ARHGEF9: variants seen among roughly 807,000 people sequenced by gnomAD.
ARHGEF9 encodes the protein rho guanine nucleotide exchange factor 9.
ARHGEF9 carries 2 observed loss-of-function variants against 41.3 expected under a neutral mutation model. The ratio of observed to expected loss-of-function variants is 0.05; its 90% CI spans 0.02 to 0.15. The LOEUF is 0.15. Ranked by LOEUF, ARHGEF9 falls within the 10% of genes least tolerant of loss-of-function variation. ARHGEF9 has a pLI of 1.00. For missense variants in ARHGEF9, 225 were observed against 424.7 expected, an observed-to-expected ratio of 0.53 and a Z score of 4.13; for synonymous variants, 160 against 154.4, an observed-to-expected ratio of 1.04 and a Z score of -0.27.
At chrX:63,724,387 CTGT>C in intron 2 of ARHGEF9, 142 bp downstream of exon 2, 2 of 622,445 alleles carry the variant, frequency 3.2e-6, no homozygotes, top group South Asian at 5.7e-5. Context: ...CCCAGGTTCT[CTGT>C]ATGAGACAAT....
intron 1 of ARHGEF9, 98 bp downstream of exon 1, chrX:63,785,018 C>T: frequency 4.7e-6 from 5 of 1,058,584 alleles, no homozygotes; most frequent in Non-Finnish European, 6.4e-6. Flanking sequence ...GGGCAGAGGC[C>T]AGGGTGCTCA....
chrX:63,658,336 T>C (rs1162711308), intron 7 of ARHGEF9, among the ~76,000 whole-genome samples: 1 of 111,884 alleles, frequency 8.9e-6, no homozygotes, highest in Non-Finnish European at 1.9e-5. Flanking sequence ...TAATTAAGAA[T>C]GACCTACTAG....
chrX:63,682,383 C>T (rs1331010008), intron 4 of ARHGEF9, among the ~76,000 whole-genome samples: 4 of 109,589 alleles, frequency 3.6e-5, no homozygotes, highest in Non-Finnish European at 5.7e-5. Flanking sequence ...GGCGTGGTGG[C>T]GGGCGCCTGT....
At chrX:63,681,418 A>C (rs1315662800) in intron 4 of ARHGEF9, among the ~76,000 whole-genome samples, 1 of 112,458 alleles carries the variant, frequency 8.9e-6, no homozygotes, top group East Asian at 2.8e-4. Flanking sequence ...GGTCATGATG[A>C]TATAAAACTA....
intron 1 of ARHGEF9, among the ~76,000 whole-genome samples, chrX:63,770,772 A>G (rs1426093788): frequency 1.8e-5 from 2 of 112,061 alleles, no homozygotes; most frequent in Non-Finnish European, 3.8e-5. Context: ...TGATGGTTTT[A>G]TAAGTACCTG....
intron 1 of ARHGEF9, among the ~76,000 whole-genome samples, chrX:63,758,403 A>T (rs1204039773): frequency 8.9e-6 from 1 of 112,294 alleles, no homozygotes. Flanking sequence ...GAAAAGAACT[A>T]CAGTGGTTTA....
At chrX:63,655,040 T>C (rs2048793622) in intron 8 of ARHGEF9, among the ~76,000 whole-genome samples, 2 of 112,561 alleles carry the variant, frequency 1.8e-5, no homozygotes, top group Non-Finnish European at 3.8e-5. Context: ...TTACTTTAAA[T>C]ACTTCCACAC....
intron 4 of ARHGEF9, among the ~76,000 whole-genome samples, chrX:63,680,292 A>G (rs1294511591): frequency 8.9e-6 from 1 of 112,335 alleles, no homozygotes; most frequent in African/African-American, 3.2e-5. Flanking sequence ...CAGAAAACAA[A>G]TACACAAAAC....
chrX:63,721,573 T>C (rs1325151995), intron 2 of ARHGEF9, among the ~76,000 whole-genome samples: 3 of 110,383 alleles, frequency 2.7e-5, no homozygotes, highest in Non-Finnish European at 5.7e-5. Context: ...AAGGTTCATT[T>C]TGTGCACAGT....
intron 1 of ARHGEF9, among the ~76,000 whole-genome samples, chrX:63,725,942 A>C (rs1166084261): frequency 8.9e-6 from 1 of 112,798 alleles, no homozygotes; most frequent in African/African-American, 3.2e-5. Flanking sequence ...TAGTCTATAG[A>C]ATATACATCC....
chrX:63,684,209 G>A (rs1379607001), intron 4 of ARHGEF9, among the ~76,000 whole-genome samples: 1 of 109,534 alleles, frequency 9.1e-6, no homozygotes, highest in Non-Finnish European at 1.9e-5. Context: ...AATGAGCAAA[G>A]AATTTGAATA....
In ARHGEF9 at chrX:63,638,199, A is replaced by G. The variant is rs1556301429; in HGVS notation, c.1401T>C (p.Ser467=). ...RKVPKQKGVN[S]ARSVPPSYPP... ...GGTAGGAAGGAGGAACTGAGCGGGC[A>G]GAGTTGACACCTAGAGTAGATGAGA... is the stretch of plus-strand genomic sequence containing the variant. The change falls in exon 10 of 10, where the codon TCT becomes TCC. Residue 467 remains serine (S), a synonymous_variant. Coordinates refer to ENST00000671741, the MANE Select transcript of ARHGEF9 (RefSeq NM_001353921.2). 3 of 1,185,572 alleles carry G rather than the reference A, an allele frequency of 2.5e-6. No homozygotes were observed. In the East Asian group the frequency reaches 9.2e-5, roughly 36 times the overall value.
chrX:63,647,043 G>T (rs1472113463), intron 8 of ARHGEF9, among the ~76,000 whole-genome samples: 2 of 111,520 alleles, frequency 1.8e-5, no homozygotes, highest in African/African-American at 6.5e-5. Flanking sequence ...TCTATTATTG[G>T]TGTATAAGAA....
intron 1 of ARHGEF9, among the ~76,000 whole-genome samples, chrX:63,757,213 C>T (rs1347601254): frequency 9.0e-6 from 1 of 111,399 alleles, no homozygotes; most frequent in Non-Finnish European, 1.9e-5. Context: ...ACTTCCAAGG[C>T]TTGAACTACC....
chrX:63,764,948 GT>G (rs1303015096), intron 1 of ARHGEF9, among the ~76,000 whole-genome samples: 1 of 111,382 alleles, frequency 9.0e-6, no homozygotes, highest in East Asian at 2.8e-4. Context: ...CATCCTGCAC[GT>G]GTACCCTGGA....
Position 63,636,518 on chromosome X carries a change from C to G in ARHGEF9, c.*1510G>C, listed in dbSNP as rs1187883872. ...GGGAAAATTGCCCCTGGGCCCCTAA[C>G]TCACTTGCCCCAAATGTCCTGGGAT... On this transcript the variant is annotated 3_prime_UTR_variant, in exon 10 of 10. Coordinates refer to ENST00000671741, the MANE Select transcript of ARHGEF9 (RefSeq NM_001353921.2). The G allele has an allele frequency of 2.2e-5, 3 of 138,039 alleles. No homozygotes were observed. Among genetic ancestry groups the G allele is most frequent in the African/African-American group, 6.3e-5 (2 of 31,852 alleles). 11.4% of individuals were successfully genotyped at this position (138,039 alleles called of 1,213,427 possible).
chrX:63,726,197 A>T (rs2053954916), intron 1 of ARHGEF9, among the ~76,000 whole-genome samples: 1 of 112,377 alleles, frequency 8.9e-6, no homozygotes, highest in Non-Finnish European at 1.9e-5. Flanking sequence ...TAGATAAAAA[A>T]TAAATTTCCA....
At chrX:63,683,653 T>C (rs2050796898) in intron 4 of ARHGEF9, among the ~76,000 whole-genome samples, 1 of 111,672 alleles carries the variant, frequency 9.0e-6, no homozygotes, top group African/African-American at 3.2e-5. Context: ...AAAACAGATA[T>C]ACCAATGTAA....
chrX:63,729,895 G>T (rs1602600180), intron 1 of ARHGEF9, among the ~76,000 whole-genome samples: 1 of 112,474 alleles, frequency 8.9e-6, no homozygotes, highest in Middle Eastern at 4.6e-3. Flanking sequence ...CTTAAAGACA[G>T]AATAGGATAT....
Sources: gnomAD v4.1 joint callset for allele counts (sites outside exome capture counted in the v4.1 genomes callset) on GRCh38, gnomAD v4.1.1 for gene constraint, MANE v1.5 for transcripts, NCBI Gene and HGNC (gene_info 2026-07-23, HGNC 2026-07-21) for gene names.